The following CSMD1 variants were observed in gnomAD, a reference collection of about 807,000 sequenced individuals.
CSMD1 encodes CUB and Sushi multiple domains 1.
CSMD1 carries 213 observed loss-of-function variants against 417.5 expected under a neutral mutation model. The observed-to-expected ratio is 0.51, with a 90% CI of 0.46 to 0.57. The LOEUF is 0.57. CSMD1 is among the 20% of genes least tolerant of loss of function. The probability of loss-of-function intolerance (pLI) is 0.00; values close to 1 mark genes in which losing one functional copy is unlikely to be tolerated. For synonymous variants in CSMD1, 2,862 were observed against 1,736.8 expected, an observed-to-expected ratio of 1.65 and a Z score of -16.11; for missense variants, 6,923 against 4,529.7, an observed-to-expected ratio of 1.53 and a Z score of -15.17.
At position 4,154,397 on chromosome 8, in the gene CSMD1, A is replaced by T. The variant is rs552457644; in HGVS notation, c.416-122298T>A. ...ACATATATCTCTAATCTATTGTATA[A>T]GTATAGACAAAGGCATTTAGCAGAT... On this transcript the variant is annotated intron_variant, in intron 3 of 69. Coordinates refer to ENST00000635120, the MANE Select transcript of CSMD1 (RefSeq NM_033225.6). Among the ~76,000 whole-genome samples, 4 of 152,340 alleles carry T rather than the reference A, an allele frequency of 2.6e-5. No homozygotes were observed. In the East Asian group the frequency reaches 7.7e-4, roughly 29 times the overall value.
chr8:3,833,036 G>T (rs373712897), intron 5 of CSMD1, among the ~76,000 whole-genome samples: 1 of 152,136 alleles, frequency 6.6e-6, no homozygotes, highest in East Asian at 1.9e-4. Flanking sequence ...CTATAAAGTA[G>T]TGAGGGCTTT....
At chr8:4,466,476 A>C (rs1231693379) in intron 2 of CSMD1, among the ~76,000 whole-genome samples, 1 of 152,128 alleles carries the variant, frequency 6.6e-6, no homozygotes, top group African/African-American at 2.4e-5. Flanking sequence ...AAGGAAATTT[A>C]GCCTATATAT....
At chr8:4,204,265 A>G (rs989430235) in intron 3 of CSMD1, among the ~76,000 whole-genome samples, 7 of 145,954 alleles carry the variant, frequency 4.8e-5, no homozygotes, top group South Asian at 2.2e-4. Context: ...CAATGCTAGG[A>G]AAAAAAAAAA....
intron 3 of CSMD1, among the ~76,000 whole-genome samples, chr8:4,033,288 A>G (rs1177826326): frequency 2.0e-5 from 3 of 151,972 alleles, no homozygotes; most frequent in Non-Finnish European, 2.9e-5. Context: ...AAAATACAAA[A>G]AAAATTAGCC....
intron 25 of CSMD1, among the ~76,000 whole-genome samples, chr8:3,306,757 A>C (rs1049055329): frequency 1.3e-5 from 2 of 152,212 alleles, no homozygotes; most frequent in African/African-American, 2.4e-5. Flanking sequence ...AATAAAACTG[A>C]TTTTAAAATT....
Position 4,395,902 on chromosome 8 carries a change from T to A in CSMD1, c.415+24051A>T, listed in dbSNP as rs566002468. Among the ~76,000 whole-genome samples, 8 of 152,122 alleles carry A rather than the reference T, an allele frequency of 5.3e-5. No individual in the cohort carries two copies. In the South Asian group the frequency reaches 1.7e-3, roughly 31 times the overall value. Reference sequence around the variant, plus strand: ...TAGTGTATCTAGAAACACATATAAGTGTAATTGTAAGTCTGACAGTTTTTG... The same window carrying A: ...TAGTGTATCTAGAAACACATATAAGAGTAATTGTAAGTCTGACAGTTTTTG... On this transcript the variant is annotated intron_variant, in intron 3 of 69. Transcript: ENST00000635120.
intron 3 of CSMD1, among the ~76,000 whole-genome samples, chr8:4,191,640 G>C (rs906785062): frequency 7.6e-5 from 11 of 145,308 alleles, no homozygotes; most frequent in African/African-American, 2.0e-4. Flanking sequence ...TACATTGAAA[G>C]AAAATGAAAA....
chr8:3,038,921 C>A (rs1810881689), intron 50 of CSMD1, among the ~76,000 whole-genome samples: 1 of 152,116 alleles, frequency 6.6e-6, no homozygotes, highest in Non-Finnish European at 1.5e-5. Context: ...GCCATAAAAA[C>A]CAGCAGTTGG....
intron 10 of CSMD1, among the ~76,000 whole-genome samples, chr8:3,538,168 C>T (rs986648987): frequency 5.9e-5 from 9 of 152,130 alleles, no homozygotes; most frequent in African/African-American, 2.2e-4. Context: ...TGAAAAATTA[C>T]ATGACGGATC....
chr8:3,437,881 G>A (rs1054092378), intron 12 of CSMD1, among the ~76,000 whole-genome samples: 18 of 152,106 alleles, frequency 1.2e-4, no homozygotes, highest in Non-Finnish European at 1.8e-4. Context: ...CCGAGTAGCT[G>A]GGATTACAGG....
chr8:4,079,954 AAT>A (rs34021691), intron 3 of CSMD1, among the ~76,000 whole-genome samples: 18,746 of 151,778 alleles, frequency 0.12, 1,238 homozygotes, highest in Middle Eastern at 0.18. Context: ...TTGTAAAAAT[AAT>A]ATAAAAAATA....
chr8:4,396,120 A>G (rs1005111164), intron 3 of CSMD1, among the ~76,000 whole-genome samples: 1 of 151,992 alleles, frequency 6.6e-6, no homozygotes, highest in Non-Finnish European at 1.5e-5. Context: ...AAGTTTTACT[A>G]CTGTAATGGG....
chr8:3,291,299 G>T (rs1392937089), intron 25 of CSMD1, among the ~76,000 whole-genome samples: 1 of 152,020 alleles, frequency 6.6e-6, no homozygotes, highest in African/African-American at 2.4e-5. Context: ...TTTTTGTTGT[G>T]TCTCTGTCAG....
At chr8:4,851,940 C>A (rs1801504178) in intron 1 of CSMD1, among the ~76,000 whole-genome samples, 1 of 152,172 alleles carries the variant, frequency 6.6e-6, no homozygotes. Context: ...CTGCCTTGTA[C>A]ACAGGCTGAG....
intron 2 of CSMD1, among the ~76,000 whole-genome samples, chr8:4,625,887 C>G (rs1418079102): frequency 2.0e-5 from 3 of 152,022 alleles, no homozygotes; most frequent in Non-Finnish European, 2.9e-5. Context: ...CCACGCCTGG[C>G]TAATTGTTGT....
intron 5 of CSMD1, among the ~76,000 whole-genome samples, chr8:3,980,914 G>C (rs562068550): frequency 7.2e-5 from 11 of 152,114 alleles, no homozygotes; most frequent in Non-Finnish European, 1.5e-4. Context: ...ATTCACAATT[G>C]TTCTAAAACA....
At position 4,347,247 on chromosome 8, in the gene CSMD1, G is replaced by C. The variant is rs551965439; in HGVS notation, c.415+72706C>G. ...ATTACATCATGCTTAAAATGAAACA[G>C]ACATCCACGATTTGGGGTAATCTCA... On this transcript the variant is annotated intron_variant, in intron 3 of 69. Transcript: ENST00000635120. 1.5e-3 allele frequency among the ~76,000 whole-genome samples: 225 copies of C among 152,204 alleles called. 1 individual carries two copies. Among genetic ancestry groups the C allele is most frequent in the Middle Eastern group, 3.4e-3 (1 of 292 alleles).
chr8:3,437,780 C>T (rs1814666851), intron 12 of CSMD1, among the ~76,000 whole-genome samples: 1 of 150,820 alleles, frequency 6.6e-6, no homozygotes, highest in African/African-American at 2.4e-5. Context: ...CAGAGTCTTG[C>T]TCTGTTGCCC....
chr8:4,394,658 CCTTT>C (rs1804080470), intron 3 of CSMD1, among the ~76,000 whole-genome samples: 1 of 144,116 alleles, frequency 6.9e-6, no homozygotes, highest in African/African-American at 2.5e-5. Context: ...TAGAATTTCT[CCTTT>C]CTTTCCCTAT....
Sources: gnomAD v4.1 joint callset for allele counts (sites outside exome capture counted in the v4.1 genomes callset) on GRCh38, gnomAD v4.1.1 for gene constraint, MANE v1.5 for transcripts, NCBI Gene and HGNC (gene_info 2026-07-23, HGNC 2026-07-21) for gene names.